GFOD1: variants seen among roughly 807,000 people sequenced by gnomAD.
GFOD1 encodes Gfo/Idh/MocA-like oxidoreductase domain containing 1.
Under a neutral mutation model 25.4 loss-of-function variants are expected in GFOD1, and 9 were observed. The observed-to-expected ratio is 0.35, with a 90% CI of 0.21 to 0.62. The LOEUF is 0.62. GFOD1 is among the 20% of genes least tolerant of loss of function. GFOD1 has a pLI of 0.72. For synonymous variants in GFOD1, 253 were observed against 245.6 expected (o/e 1.03, Z -0.28); for missense variants, 403 against 556.9 (o/e 0.72, Z 2.78).
At chr6:13,378,825 A>C (rs1785304949) in intron 1 of GFOD1, among the ~76,000 whole-genome samples, 1 of 152,156 alleles carries the variant, frequency 6.6e-6, no homozygotes, top group African/African-American at 2.4e-5. Flanking sequence ...AAAAACACCT[A>C]GAGTGGCCAA....
In GFOD1 at chr6:13,360,734, A is replaced by C. The variant is rs1312062889; in HGVS notation, c.*4009T>G. ...CATCAGATGTTGCATCCTGCTGAAC[A>C]GGAGGGTGCTGACAGCAGGCTGAGT... On this transcript the variant is annotated 3_prime_UTR_variant, in exon 2 of 2. Transcript: ENST00000379287. 6.6e-6 allele frequency: 3 copies of C among 456,676 alleles called. No homozygotes were observed. Among genetic ancestry groups the C allele is most frequent in the Non-Finnish European group, 1.3e-5 (3 of 226,994 alleles). The allele number at this position is 456,676 out of a possible 1,614,324, so 28.3% of individuals were successfully genotyped here. A position where few individuals can be genotyped will look rare whatever the true frequency, so the allele number is the denominator to read the frequency against.
chr6:13,462,281 C>T (rs1259851195), intron 1 of GFOD1, among the ~76,000 whole-genome samples: 7 of 152,194 alleles, frequency 4.6e-5, no homozygotes, highest in Admixed American at 6.5e-5. Flanking sequence ...ACAAGGACCT[C>T]GCAACCTTGG....
chr6:13,442,742 G>C (rs545182028), intron 1 of GFOD1, among the ~76,000 whole-genome samples: 2 of 152,286 alleles, frequency 1.3e-5, no homozygotes, highest in East Asian at 3.9e-4. Context: ...CAACTGTTGA[G>C]AGCTACTACT....
rs1400125227 is a variant in GFOD1 at position 13,364,925 on chromosome 6, G to A, written c.991C>T (p.Leu331Phe). ...TCGTCGAAGGTGGCGGCCATGGTGA[G>A]GGGCCGCCCATCCCACGTGCGCCGG... Reference protein sequence around the residue: ...DDRRTWDGRPLTMAATFDDCL... With the variant: ...DDRRTWDGRPFTMAATFDDCL... The change falls in exon 2 of 2, where the codon CTC (leucine) becomes TTC (phenylalanine). Residue 331 changes from leucine to phenylalanine, a missense_variant. Leu to Phe is a conservative substitution (Grantham distance 22). Transcript: ENST00000379287. This position sits in a 1 kb window ranked among gnomAD's most constrained non-coding sequence, Gnocchi z 4.1. 6.2e-7 allele frequency: 1 copy of A among 1,612,498 alleles called. No homozygotes were observed.
rs918040789 is a variant in GFOD1, at chr6:13,468,808, AT to A, written c.253+17829del. On this transcript the variant is annotated intron_variant, in intron 1 of 1. Coordinates refer to ENST00000379287, the MANE Select transcript of GFOD1 (RefSeq NM_018988.4). ...TGAGATATCAAGGCCCCCCTGACCA[AT>A]CCCCCTTCCAGTTCTCTGCTTTTCA... 4.0e-5 allele frequency among the ~76,000 whole-genome samples: 6 copies of A among 151,602 alleles called. No homozygotes were observed. The East Asian group carries it at 9.7e-4, about 25-fold the overall frequency.
chr6:13,432,037 C>A (rs1337456794), intron 1 of GFOD1, among the ~76,000 whole-genome samples: 1 of 152,138 alleles, frequency 6.6e-6, no homozygotes, highest in African/African-American at 2.4e-5. Context: ...GTTCTCATTC[C>A]CCGGTGACTC....
intron 1 of GFOD1, among the ~76,000 whole-genome samples, chr6:13,424,649 T>C (rs754054180): frequency 5.3e-4 from 80 of 152,196 alleles, no homozygotes; most frequent in Non-Finnish European, 3.1e-4. Flanking sequence ...TATGTGCATA[T>C]AAAAATGTAT....
At chr6:13,470,654 G>T (rs1250863741) in intron 1 of GFOD1, 1 of 1,449,018 alleles carries the variant, frequency 6.9e-7, no homozygotes, top group Non-Finnish European at 9.1e-7. Context: ...AGAAGAGACA[G>T]AGAAGAGGAA....
At chr6:13,410,159 T>C (rs1338520054) in intron 1 of GFOD1, among the ~76,000 whole-genome samples, 1 of 152,092 alleles carries the variant, frequency 6.6e-6, no homozygotes, top group African/African-American at 2.4e-5. Flanking sequence ...TAACTTCAGA[T>C]AAATATAGCA....
At chr6:13,368,952 CTATT>C (rs1785098523) in intron 1 of GFOD1, among the ~76,000 whole-genome samples, 1 of 152,254 alleles carries the variant, frequency 6.6e-6, no homozygotes, top group Non-Finnish European at 1.5e-5. Context: ...TCCCTTCAGG[CTATT>C]TATTAGGTTG....
intron 1 of GFOD1, among the ~76,000 whole-genome samples, chr6:13,435,971 A>G (rs2033948): frequency 0.98 from 149,294 of 152,322 alleles, 73,237 homozygotes; most frequent in Middle Eastern, 1. Context: ...TGAGTAGAAT[A>G]TCTGGAAGGA....
At chr6:13,441,322 G>C (rs529207328) in intron 1 of GFOD1, among the ~76,000 whole-genome samples, 2 of 152,252 alleles carry the variant, frequency 1.3e-5, no homozygotes, top group Non-Finnish European at 2.9e-5. Context: ...GTGGGGTTTG[G>C]GGTGAAAAAC....
At chr6:13,460,435 G>T (rs1758271839) in intron 1 of GFOD1, among the ~76,000 whole-genome samples, 1 of 152,172 alleles carries the variant, frequency 6.6e-6, no homozygotes, top group Non-Finnish European at 1.5e-5. Flanking sequence ...TGATAGACTG[G>T]ATAAAGAAAA....
intron 1 of GFOD1, among the ~76,000 whole-genome samples, chr6:13,381,206 T>C (rs1785356554): frequency 6.6e-6 from 1 of 152,244 alleles, no homozygotes; most frequent in East Asian, 1.9e-4. Flanking sequence ...CAGACTGTTT[T>C]TGAAGACAGA....
chr6:13,475,048 C>T (rs61066657), intron 1 of GFOD1, among the ~76,000 whole-genome samples: 36 of 152,294 alleles, frequency 2.4e-4, no homozygotes, highest in African/African-American at 7.9e-4. Flanking sequence ...GTGAAGTCTG[C>T]TACCTCAACA....
intron 1 of GFOD1, among the ~76,000 whole-genome samples, chr6:13,441,428 C>A (rs1757914448): frequency 6.6e-6 from 1 of 152,156 alleles, no homozygotes; most frequent in African/African-American, 2.4e-5. Context: ...TAGATAAACA[C>A]CCAACAAAAA....
At chr6:13,379,383 C>T (rs489396) in intron 1 of GFOD1, among the ~76,000 whole-genome samples, 75,084 of 151,940 alleles carry the variant, frequency 0.49, 19,865 homozygotes, top group East Asian at 0.68. Context: ...CACAGCCAGG[C>T]TTGGCCAACC....
At chr6:13,440,176 T>C (rs1757892219) in intron 1 of GFOD1, among the ~76,000 whole-genome samples, 1 of 152,112 alleles carries the variant, frequency 6.6e-6, no homozygotes. Flanking sequence ...CATTTAAGGG[T>C]TAACATTAGT....
chr6:13,455,277 C>T (rs2434395), intron 1 of GFOD1, among the ~76,000 whole-genome samples: 149,350 of 152,270 alleles, frequency 0.98, 73,315 homozygotes, highest in Middle Eastern at 1. Context: ...TTGGGGTTAG[C>T]TCTTTTAGAA....
Sources: gnomAD v4.1 joint callset for allele counts (sites outside exome capture counted in the v4.1 genomes callset) on GRCh38, gnomAD v4.1.1 for gene constraint, Gnocchi (gnomAD v3.1) non-coding constraint, MANE v1.5 for transcripts, NCBI Gene and HGNC (gene_info 2026-07-23, HGNC 2026-07-21) for gene names.